The following IFT80 variants were observed in gnomAD, a reference collection of about 807,000 sequenced individuals.
The protein encoded by IFT80 is intraflagellar transport protein 80 homolog.
A neutral mutation model predicts 107.9 loss-of-function variants in IFT80; 79 were observed. That is an observed-to-expected ratio of 0.73 (90% confidence interval 0.61 to 0.88). The LOEUF is 0.88. Among genes scored for constraint, IFT80 ranks in the 40% least tolerant of loss-of-function variants. The pLI is 0.00. For synonymous variants in IFT80, 299 were observed against 300.9 expected, an observed-to-expected ratio of 0.99 and a Z score of 0.07; for missense variants, 797 against 914.2, an observed-to-expected ratio of 0.87 and a Z score of 1.65.
chr3:160,304,055 T>C (rs1716643364), intron 10 of IFT80, 66 bp from the exon 11 acceptor site: 2 of 1,030,766 alleles, frequency 1.9e-6, no homozygotes, highest in South Asian at 2.6e-5. Context: ...AATAAGTAGA[T>C]TGGTATTCAT....
chr3:160,279,084 T>C (rs1714489090), intron 16 of IFT80, 109 bp downstream of exon 16: 1 of 808,142 alleles, frequency 1.2e-6, no homozygotes, highest in East Asian at 2.6e-5. Flanking sequence ...AAAGACATGA[T>C]CTTATTCACA....
chr3:160,348,913 A>T (rs1576847993), intron 8 of IFT80, among the ~76,000 whole-genome samples: 1 of 152,326 alleles, frequency 6.6e-6, no homozygotes, highest in African/African-American at 2.4e-5. Context: ...GTTGCCAGGG[A>T]CTAGGAATAG....
chr3:160,322,716 A>G (rs1718343190), intron 8 of IFT80, among the ~76,000 whole-genome samples: 1 of 151,988 alleles, frequency 6.6e-6, no homozygotes, highest in African/African-American at 2.4e-5. Flanking sequence ...TGACTTTTTA[A>G]TGATTGCCAT....
intron 19 of IFT80, among the ~76,000 whole-genome samples, chr3:160,261,697 G>C (rs1712847313): frequency 6.6e-6 from 1 of 150,730 alleles, no homozygotes; most frequent in Non-Finnish European, 1.5e-5. Flanking sequence ...TCTACTTAGA[G>C]GGCTCAGGTG....
At chr3:160,378,798 T>C (rs1712242145) in intron 3 of IFT80, among the ~76,000 whole-genome samples, 1 of 151,436 alleles carries the variant, frequency 6.6e-6, no homozygotes, top group Admixed American at 6.6e-5. Flanking sequence ...AAAAAACAAA[T>C]AAATATATGG....
chr3:160,279,383 A>T lies in IFT80; in HGVS notation c.1665-19T>A, dbSNP rs1714513291. The T allele has an allele frequency of 3.7e-6, 6 of 1,607,170 alleles. No homozygotes were observed. The East Asian group carries it at 1.3e-4, about 36-fold the overall frequency. Reference sequence around the variant, plus strand: ...AAATTCACTGTTGAAAAAAAAAGCAAAGTACAATTTAAAGTTGTATTCTGA... The same window carrying T: ...AAATTCACTGTTGAAAAAAAAAGCATAGTACAATTTAAAGTTGTATTCTGA... On this transcript the variant is annotated intron_variant, in intron 15 of 19. Transcript: ENST00000326448.
intron 18 of IFT80, among the ~76,000 whole-genome samples, chr3:160,270,070 G>C (rs979407455): frequency 6.6e-6 from 1 of 152,098 alleles, no homozygotes; most frequent in Admixed American, 6.5e-5. Flanking sequence ...GCATGATTTT[G>C]GCTCACTGCA....
At chr3:160,282,444 A>G in intron 14 of IFT80, 34 bp downstream of exon 14, 2 of 1,370,416 alleles carry the variant, frequency 1.5e-6, no homozygotes, top group Admixed American at 2.0e-5. Flanking sequence ...GAAAGTTGAC[A>G]ATTAAAACTT....
At chr3:160,343,806 G>A in intron 8 of IFT80, 1 of 323,450 alleles carries the variant, frequency 3.1e-6, no homozygotes, top group Admixed American at 3.7e-5. Context: ...TTCATCTGAT[G>A]GAATAAAAAC....
At chr3:160,339,154 G>A (rs983623962) in intron 8 of IFT80, among the ~76,000 whole-genome samples, 2 of 152,046 alleles carry the variant, frequency 1.3e-5, no homozygotes, top group African/African-American at 4.8e-5. Context: ...AAATTGAGCT[G>A]TACACATAAG....
At chr3:160,354,590 C>T (rs55731730) in intron 8 of IFT80, among the ~76,000 whole-genome samples, 79,356 of 151,882 alleles carry the variant, frequency 0.52, 21,196 homozygotes, top group African/African-American at 0.55. Flanking sequence ...TAGGCGGAGC[C>T]TGCAGTGAGC....
At chr3:160,383,888 T>TA in intron 2 of IFT80, 1 of 985,328 alleles carries the variant, frequency 1.0e-6, no homozygotes, top group Non-Finnish European at 1.2e-6. Context: ...TGTAAAGAAA[T>TA]AGAGCACAGT....
chr3:160,312,515 T>C (rs961496742), intron 9 of IFT80, among the ~76,000 whole-genome samples: 6 of 135,316 alleles, frequency 4.4e-5, no homozygotes, highest in Admixed American at 2.7e-4. Flanking sequence ...CGCTGTATTT[T>C]TGTTCTGTTT....
chr3:160,391,134 G>C (rs887996813), intron 1 of IFT80, among the ~76,000 whole-genome samples: 2 of 152,134 alleles, frequency 1.3e-5, no homozygotes, highest in African/African-American at 4.8e-5. Flanking sequence ...GCTCCGCAAG[G>C]AACAGTACCT....
chr3:160,384,437 T>C, intron 2 of IFT80, 127 bp downstream of exon 2: 4 of 1,374,400 alleles, frequency 2.9e-6, no homozygotes, highest in Non-Finnish European at 3.8e-6. Context: ...TAAAACAATT[T>C]AGGTAAACAG....
At chr3:160,342,320 A>C (rs901742711) in intron 8 of IFT80, among the ~76,000 whole-genome samples, 5 of 152,188 alleles carry the variant, frequency 3.3e-5, no homozygotes, top group African/African-American at 9.6e-5. Context: ...AAACGAAATA[A>C]GCAATCATAC....
chr3:160,323,955 C>T (rs188478823), intron 8 of IFT80, among the ~76,000 whole-genome samples: 4 of 151,944 alleles, frequency 2.6e-5, no homozygotes, highest in East Asian at 3.9e-4. Flanking sequence ...ATATCACCAC[C>T]GATCCCACAG....
At chr3:160,291,528 C>A (rs911637071) in intron 12 of IFT80, among the ~76,000 whole-genome samples, 3 of 152,204 alleles carry the variant, frequency 2.0e-5, no homozygotes, top group African/African-American at 7.2e-5. Context: ...CAACAAATAG[C>A]TGCTTGGTTT....
At chr3:160,329,650 C>T (rs1186670831) in intron 8 of IFT80, among the ~76,000 whole-genome samples, 4 of 152,088 alleles carry the variant, frequency 2.6e-5, no homozygotes, top group Non-Finnish European at 5.9e-5. Flanking sequence ...CTAAATTTCC[C>T]CTAGTTTATT....
Sources: gnomAD v4.1 joint callset for allele counts (sites outside exome capture counted in the v4.1 genomes callset) on GRCh38, gnomAD v4.1.1 for gene constraint, MANE v1.5 for transcripts, NCBI Gene and HGNC (gene_info 2026-07-23, HGNC 2026-07-21) for gene names.